MPPED1: variants seen among roughly 807,000 people sequenced by gnomAD.
MPPED1 encodes the protein metallophosphoesterase domain-containing protein 1.
Under a neutral mutation model 36.2 loss-of-function variants are expected in MPPED1, and 16 were observed. The observed-to-expected ratio is 0.44, with a 90% confidence interval of 0.30 to 0.67. The LOEUF is 0.67. Among genes scored for constraint, MPPED1 ranks in the 30% least tolerant of loss-of-function variants. MPPED1 has a pLI of 0.10. For missense variants in MPPED1, 307 were observed against 453.4 expected, an observed-to-expected ratio of 0.68 and a Z score of 2.93; for synonymous variants, 199 against 191.3, an observed-to-expected ratio of 1.04 and a Z score of -0.33.
At chr22:43,416,967 T>C (rs1316714186) in intron 1 of MPPED1, 1 of 985,154 alleles carries the variant, frequency 1.0e-6, no homozygotes, top group Non-Finnish European at 1.2e-6. Flanking sequence ...ATAGCTAAAA[T>C]TAAAGGAATA....
chr22:43,486,162 A>AG (rs201065287), intron 4 of MPPED1, among the ~76,000 whole-genome samples: 2 of 131,754 alleles, frequency 1.5e-5, no homozygotes, highest in South Asian at 2.7e-4. Context: ...GTCTCCATGC[A>AG]GGCATGCCCT....
chr22:43,417,090 G>A (rs1284354552), intron 1 of MPPED1: 3 of 811,686 alleles, frequency 3.7e-6, no homozygotes, highest in Admixed American at 6.2e-5. Flanking sequence ...CTGGGGGGTG[G>A]CGGTGGTGAG....
At chr22:43,462,534 G>GT (rs1167581390) in intron 3 of MPPED1, among the ~76,000 whole-genome samples, 2 of 152,212 alleles carry the variant, frequency 1.3e-5, no homozygotes, top group African/African-American at 4.8e-5. Context: ...TCACCTGTTA[G>GT]TATTTCTATC....
chr22:43,463,873 TTCTC>T (rs371504822), intron 3 of MPPED1, among the ~76,000 whole-genome samples: 2 of 128,566 alleles, frequency 1.6e-5, no homozygotes, highest in African/African-American at 6.0e-5. Flanking sequence ...CTTTCTTTCT[TTCTC>T]TTTCTGTCTG....
At chr22:43,446,973 T>A (rs1398870587) in intron 3 of MPPED1, among the ~76,000 whole-genome samples, 5 of 152,140 alleles carry the variant, frequency 3.3e-5, no homozygotes, top group African/African-American at 1.2e-4. Flanking sequence ...GGGACCAAGT[T>A]GGACCATGTA....
chr22:43,449,328 G>A (rs981710842), intron 3 of MPPED1, among the ~76,000 whole-genome samples: 2 of 152,074 alleles, frequency 1.3e-5, no homozygotes, highest in Non-Finnish European at 2.9e-5. Flanking sequence ...GGCCCAGTGC[G>A]GAGAGGTGGT....
intron 3 of MPPED1, among the ~76,000 whole-genome samples, chr22:43,444,925 G>C (rs1472063622): frequency 6.6e-6 from 1 of 152,164 alleles, no homozygotes; most frequent in Non-Finnish European, 1.5e-5. Flanking sequence ...GTAGAATATT[G>C]ATGATAAATT....
At position 43,437,846 on chromosome 22, in the gene MPPED1, G is replaced by A. The variant is rs150584340; in HGVS notation, c.406+2631G>A. Among the ~76,000 whole-genome samples the A allele has an allele frequency of 5.3e-5, 8 of 152,316 alleles. No individual in the cohort carries two copies. The East Asian group carries it at 1.5e-3, about 29-fold the overall frequency. ...CTGGGCTCCCCTGGGTAGGGGTGGG[G>A]TGTTGGGAGGAAGACATTGGACCTG... On this transcript the variant is annotated intron_variant, in intron 3 of 6. Transcript: ENST00000443721.
intron 3 of MPPED1, among the ~76,000 whole-genome samples, chr22:43,441,446 G>A (rs1215082800): frequency 6.6e-6 from 1 of 152,142 alleles, no homozygotes; most frequent in South Asian, 2.1e-4. Flanking sequence ...ACTCCAGGGC[G>A]GAGACCATAC....
At chr22:43,416,961 C>T (rs1287249816) in intron 1 of MPPED1, 2 of 984,996 alleles carry the variant, frequency 2.0e-6, no homozygotes, top group Non-Finnish European at 2.4e-6. Flanking sequence ...GCATTCATAG[C>T]TAAAATTAAA....
chr22:43,418,100 A>G (rs1417418863), intron 1 of MPPED1: 1 of 456,184 alleles, frequency 2.2e-6, no homozygotes, highest in Non-Finnish European at 4.4e-6. Context: ...CTGCCGATGA[A>G]TGGAAGAGAA....
chr22:43,495,572 ATGGTGGAGGTGGTGG>A (rs1569088815), intron 4 of MPPED1, among the ~76,000 whole-genome samples: 1 of 9,598 alleles, frequency 1.0e-4, no homozygotes, highest in African/African-American at 4.8e-4. Context: ...GGTGGAGGTG[ATGGTGGAGGTGGTGG>A]TGGTGGAGGT....
intron 3 of MPPED1, among the ~76,000 whole-genome samples, chr22:43,454,197 G>T (rs868300523): frequency 2.0e-5 from 3 of 151,856 alleles, no homozygotes; most frequent in Admixed American, 6.6e-5. Flanking sequence ...TTAGTAGAGA[G>T]GGGGTTTCAC....
At chr22:43,424,027 CAG>C (rs1326865097) in intron 1 of MPPED1, among the ~76,000 whole-genome samples, 2 of 152,170 alleles carry the variant, frequency 1.3e-5, no homozygotes, top group African/African-American at 4.8e-5. Context: ...CAAGTTTCTA[CAG>C]AGTTCTACAC....
At chr22:43,492,073 T>G (rs1932123459) in intron 4 of MPPED1, among the ~76,000 whole-genome samples, 1 of 151,882 alleles carries the variant, frequency 6.6e-6, no homozygotes, top group South Asian at 2.1e-4. Flanking sequence ...GGGGTGATTA[T>G]AGGGATAATT....
Position 43,505,837 on chromosome 22 carries a change from C to T in MPPED1, c.*221C>T, listed in dbSNP as rs983255456. On this transcript the variant is annotated 3_prime_UTR_variant, in exon 7 of 7. Coordinates refer to ENST00000443721, the MANE Select transcript of MPPED1 (RefSeq NM_001044370.2). Reference sequence around the variant, plus strand: ...GTTCTGTGCTCATTTACTTTTTCTGCGTGTACATCCTGCGTGTACCTCGTT... The same window carrying T: ...GTTCTGTGCTCATTTACTTTTTCTGTGTGTACATCCTGCGTGTACCTCGTT... 1.3e-5 allele frequency: 7 copies of T among 534,478 alleles called. No homozygotes were observed. The highest frequency in any genetic ancestry group is 5.2e-5 in the South Asian group (2 of 38,500). 33.1% of individuals were successfully genotyped at this position (534,478 alleles called of 1,614,324 possible).
chr22:43,493,055 C>G (rs964752629), intron 4 of MPPED1, among the ~76,000 whole-genome samples: 1 of 152,162 alleles, frequency 6.6e-6, no homozygotes, highest in African/African-American at 2.4e-5. Flanking sequence ...AATGAAAAGG[C>G]CTTTGACCCC....
chr22:43,455,436 G>T (rs976244435), intron 3 of MPPED1, among the ~76,000 whole-genome samples: 1 of 152,064 alleles, frequency 6.6e-6, no homozygotes, highest in African/African-American at 2.4e-5. Flanking sequence ...AGGGACACCA[G>T]TCATTGGATT....
At chr22:43,476,021 T>G (rs1388575968) in intron 4 of MPPED1, among the ~76,000 whole-genome samples, 4 of 151,482 alleles carry the variant, frequency 2.6e-5, no homozygotes, top group Admixed American at 2.6e-4. Flanking sequence ...GGTGGTGGTG[T>G]GATCATAATG....
Sources: gnomAD v4.1 joint callset for allele counts (sites outside exome capture counted in the v4.1 genomes callset) on GRCh38, gnomAD v4.1.1 for gene constraint, MANE v1.5 for transcripts, NCBI Gene and HGNC (gene_info 2026-07-23, HGNC 2026-07-21) for gene names.